Variants in DGKI observed in about 807,000 individuals in gnomAD.
DGKI encodes the protein diacylglycerol kinase iota, also known as DAG kinase iota.
A neutral mutation model predicts 147.5 loss-of-function variants in DGKI; 55 were observed. The observed-to-expected ratio is 0.37, with a 90% CI of 0.30 to 0.47. The LOEUF (loss-of-function observed/expected upper bound fraction) is 0.47, where lower values mean the gene tolerates loss of function less well. Ranked by LOEUF, DGKI falls within the 20% of genes least tolerant of loss-of-function variation. DGKI has a pLI of 1.00. For synonymous variants in DGKI, 469 were observed against 477.1 expected (o/e 0.98, Z 0.22); for missense variants, 1,007 against 1,323.8 (o/e 0.76, Z 3.71).
chr7:137,829,133 C>A (rs1798148207), intron 1 of DGKI, among the ~76,000 whole-genome samples: 1 of 152,234 alleles, frequency 6.6e-6, no homozygotes, highest in South Asian at 2.1e-4. Context: ...CATTCTCTTA[C>A]ATCTAATGCT....
At chr7:137,608,513 G>C (rs1820258133) in intron 10 of DGKI, among the ~76,000 whole-genome samples, 1 of 152,124 alleles carries the variant, frequency 6.6e-6, no homozygotes, top group Non-Finnish European at 1.5e-5. Flanking sequence ...GGTGGTATTT[G>C]GTAGGGATTA....
intron 23 of DGKI, among the ~76,000 whole-genome samples, chr7:137,474,586 A>C (rs983884040): frequency 2.6e-5 from 4 of 152,160 alleles, no homozygotes; most frequent in African/African-American, 9.7e-5. Flanking sequence ...CAGAGCAAAA[A>C]GATAGTGAGA....
intron 30 of DGKI, among the ~76,000 whole-genome samples, chr7:137,398,023 G>A (rs950762591): frequency 1.3e-5 from 2 of 152,120 alleles, no homozygotes; most frequent in Non-Finnish European, 2.9e-5. Flanking sequence ...ACACTGCTTG[G>A]AATGTCTTCC....
At chr7:137,799,202 C>G (rs527998269) in intron 1 of DGKI, among the ~76,000 whole-genome samples, 4 of 152,184 alleles carry the variant, frequency 2.6e-5, no homozygotes, top group African/African-American at 9.6e-5. Context: ...CCTGATACAT[C>G]CGATAACATA....
intron 1 of DGKI, among the ~76,000 whole-genome samples, chr7:137,720,504 C>G (rs558668027): frequency 6.6e-6 from 1 of 151,902 alleles, no homozygotes; most frequent in Non-Finnish European, 1.5e-5. Context: ...GTGATCTGCC[C>G]GCCTCGGCCT....
intron 1 of DGKI, among the ~76,000 whole-genome samples, chr7:137,801,412 C>T (rs182230311): frequency 7.5e-4 from 114 of 152,326 alleles, no homozygotes; most frequent in Middle Eastern, 3.4e-3. Flanking sequence ...TACATCATTA[C>T]ATAGCTATAA....
chr7:137,691,146 C>T (rs1585375857), intron 1 of DGKI, among the ~76,000 whole-genome samples: 1 of 152,186 alleles, frequency 6.6e-6, no homozygotes, highest in African/African-American at 2.4e-5. Context: ...GCTGCATTTA[C>T]ACACACTCCT....
chr7:137,501,225 T>C (rs561182048), intron 21 of DGKI, among the ~76,000 whole-genome samples: 1 of 152,334 alleles, frequency 6.6e-6, no homozygotes, highest in Admixed American at 6.5e-5. Context: ...ATAACAATAA[T>C]CTATTGTGTA....
At chr7:137,799,233 T>A (rs750978829) in intron 1 of DGKI, among the ~76,000 whole-genome samples, 1 of 152,174 alleles carries the variant, frequency 6.6e-6, no homozygotes, top group African/African-American at 2.4e-5. Flanking sequence ...GAAATTATTA[T>A]GTTAAATGAA....
At chr7:137,576,095 G>A (rs1382670784) in intron 17 of DGKI, among the ~76,000 whole-genome samples, 2 of 147,650 alleles carry the variant, frequency 1.4e-5, no homozygotes, top group African/African-American at 5.1e-5. Context: ...CTGGAGTGCA[G>A]TGGTGCGGTC....
chr7:137,618,151 A>ATATATATATATATTTTTTT, intron 8 of DGKI, among the ~76,000 whole-genome samples: 3 of 10,466 alleles, frequency 2.9e-4, no homozygotes, highest in African/African-American at 3.7e-4. Flanking sequence ...ATATATATAT[A>ATATATATATATATTTTTTT]TTTTTTTTTT....
At chr7:137,718,199 T>C (rs1257660637) in intron 1 of DGKI, among the ~76,000 whole-genome samples, 1 of 152,186 alleles carries the variant, frequency 6.6e-6, no homozygotes, top group African/African-American at 2.4e-5. Context: ...GGACAGCATG[T>C]GGGAGGTTTC....
At chr7:137,399,686 G>A (rs943448291) in intron 30 of DGKI, among the ~76,000 whole-genome samples, 1 of 152,210 alleles carries the variant, frequency 6.6e-6, no homozygotes, top group Non-Finnish European at 1.5e-5. Flanking sequence ...AAGGCGGGTG[G>A]ATCATTTGAG....
Position 137,605,375 on chromosome 7 carries a change from TAAAAA to T in DGKI, c.1167+3586_1167+3590del, listed in dbSNP as rs1004728694. Among the ~76,000 whole-genome samples the T allele has an allele frequency of 4.4e-3, 644 of 146,090 alleles. 1 individual carries two copies. Among genetic ancestry groups the T allele is most frequent in the African/African-American group, 0.012 (474 of 38,412 alleles). Reference sequence around the variant, plus strand: ...TAAAATAAAATAAAATAAAATAAAATAAAAAAAGTTGAAATTTTGGTCCCTGATTC... The same window carrying T: ...TAAAATAAAATAAAATAAAATAAAATAAGTTGAAATTTTGGTCCCTGATTC... On this transcript the variant is annotated intron_variant, in intron 10 of 32. Transcript: ENST00000614521.
chr7:137,670,145 G>C (rs768878042), intron 3 of DGKI, among the ~76,000 whole-genome samples: 2 of 152,106 alleles, frequency 1.3e-5, no homozygotes, highest in African/African-American at 2.4e-5. Context: ...GCCGTATATT[G>C]TTTTCTTTTG....
At chr7:137,716,024 A>T (rs888199730) in intron 1 of DGKI, among the ~76,000 whole-genome samples, 1 of 152,200 alleles carries the variant, frequency 6.6e-6, no homozygotes, top group African/African-American at 2.4e-5. Context: ...GAAGGAAAGA[A>T]ACAAGGCATG....
In DGKI at chr7:137,384,795, C is replaced by G. The variant is rs1010521093; in HGVS notation, c.*6425G>C. On this transcript the variant is annotated 3_prime_UTR_variant, in exon 33 of 33. Transcript: ENST00000614521. ...ACTATATGTGTGTTTCACTAAAGGT[C>G]TGAGGGAAAAGATAATTTCAGTATT... 6.6e-6 allele frequency: 1 copy of G among 152,048 alleles called. No homozygotes were observed. Among genetic ancestry groups the G allele is most frequent in the East Asian group, 1.9e-4 (1 of 5,196 alleles). The allele number at this position is 152,048 out of a possible 1,614,324, so 9.4% of individuals were successfully genotyped here.
Position 137,545,645 on chromosome 7 carries a change from T to C in DGKI, c.2147+6724A>G, listed in dbSNP as rs78581817. Among the ~76,000 whole-genome samples the C allele has an allele frequency of 7.4e-3, 1,134 of 152,304 alleles. 9 individuals carry two copies. Among genetic ancestry groups the C allele is most frequent in the African/African-American group, 0.026 (1,098 of 41,560 alleles). Reference sequence around the variant, plus strand: ...AACCAATGCTTAGCATGGAATTCTATACAACCCCAGGCAACCATGGACCCT... The same window carrying C: ...AACCAATGCTTAGCATGGAATTCTACACAACCCCAGGCAACCATGGACCCT... On this transcript the variant is annotated intron_variant, in intron 20 of 32. Transcript: ENST00000614521.
chr7:137,491,041 T>C (rs1815744403), intron 21 of DGKI, among the ~76,000 whole-genome samples: 1 of 152,108 alleles, frequency 6.6e-6, no homozygotes, highest in Non-Finnish European at 1.5e-5. Flanking sequence ...AAATAACAGA[T>C]GAAGTAGATG....
Sources: gnomAD v4.1 joint callset for allele counts (sites outside exome capture counted in the v4.1 genomes callset) on GRCh38, gnomAD v4.1.1 for gene constraint, MANE v1.5 for transcripts, NCBI Gene and HGNC (gene_info 2026-07-23, HGNC 2026-07-21) for gene names.